The following KLHL22 variants were observed in gnomAD, a reference collection of about 807,000 sequenced individuals.
The protein encoded by KLHL22 is kelch like family member 22.
A neutral mutation model predicts 60.7 loss-of-function variants in KLHL22; 18 were observed. That is an observed-to-expected ratio of 0.30 (90% confidence interval 0.20 to 0.44). The LOEUF is 0.44. Ranked by LOEUF, KLHL22 falls within the 20% of genes least tolerant of loss-of-function variation. The probability of loss-of-function intolerance (pLI) is 1.00; values close to 1 mark genes in which losing one functional copy is unlikely to be tolerated. For synonymous variants in KLHL22, 355 were observed against 354.5 expected (o/e 1.00, Z -0.01); for missense variants, 596 against 852.3 (o/e 0.70, Z 3.74).
Position 20,471,409 on chromosome 22 carries a change from C to A in KLHL22, c.334G>T (p.Glu112Ter). 1 of 1,614,060 alleles carries A rather than the reference C, an allele frequency of 6.2e-7. No individual in the cohort carries two copies. The highest frequency in any genetic ancestry group is 8.5e-7 in the Non-Finnish European group (1 of 1,179,964). ...ACATTGCTCAGGCTGAGCTCCAGCT[C>A]GGAGGTGTATATGAAATGTAGGATT... ...CQILHFIYTS[E>*]LELSLSNVQE... The change falls in exon 3 of 7, where the codon GAG becomes TAG. Residue 112 changes from glutamate (E) to a stop codon, truncating the protein, a stop_gained. Transcript: ENST00000328879. LOFTEE classifies it high-confidence loss of function.
At chr22:20,449,532 C>T (rs913558745) in intron 5 of KLHL22, among the ~76,000 whole-genome samples, 3 of 152,074 alleles carry the variant, frequency 2.0e-5, no homozygotes, top group Non-Finnish European at 4.4e-5. Context: ...TCCCAAGTAG[C>T]TGGGATTACA....
intron 5 of KLHL22, chr22:20,450,383 G>C (rs1398790260): frequency 6.9e-7 from 1 of 1,450,970 alleles, no homozygotes; most frequent in African/African-American, 1.4e-5. Flanking sequence ...AATTTTATTG[G>C]ACTTTGTGTA....
At chr22:20,480,990 C>T (rs1479255746) in intron 2 of KLHL22, among the ~76,000 whole-genome samples, 2 of 151,778 alleles carry the variant, frequency 1.3e-5, no homozygotes, top group Non-Finnish European at 2.9e-5. Context: ...CGCCACCATG[C>T]CCGGCTAATT....
chr22:20,454,778 C>G (rs568080674), intron 5 of KLHL22, among the ~76,000 whole-genome samples: 4 of 152,152 alleles, frequency 2.6e-5, no homozygotes, highest in Non-Finnish European at 5.9e-5. Flanking sequence ...CTCTTCCAAT[C>G]CATGGACTTG....
At chr22:20,457,271 G>A (rs898348921) in intron 5 of KLHL22, among the ~76,000 whole-genome samples, 1 of 151,854 alleles carries the variant, frequency 6.6e-6, no homozygotes, top group Non-Finnish European at 1.5e-5. Context: ...GGATGCACGT[G>A]ATTTTTTTTT....
intron 4 of KLHL22, among the ~76,000 whole-genome samples, chr22:20,463,601 C>T (rs946475619): frequency 2.0e-5 from 3 of 152,236 alleles, no homozygotes; most frequent in Non-Finnish European, 2.9e-5. Context: ...ACTGGGAAAC[C>T]GAGCCCCCTA....
Position 20,465,093 on chromosome 22 carries a change from G to T in KLHL22, c.877C>A (p.Leu293Met). Residue 293 changes from leucine to methionine, a missense_variant, in exon 4 of 7, where the codon CTG (leucine) becomes ATG (methionine). Leu to Met is a conservative substitution (Grantham distance 15, BLOSUM62 2). Coordinates refer to ENST00000328879, the MANE Select transcript of KLHL22 (RefSeq NM_032775.4). The surrounding 1 kb of genome is among the most constrained non-coding windows in gnomAD (Gnocchi z 4.9). Reference sequence around the variant, plus strand: ...ACAACGCACTGGAAGTCCGACCGCAGCTCCGTTTGCGGGCTCTGCAGGCTG... The same window carrying T: ...ACAACGCACTGGAAGTCCGACCGCATCTCCGTTTGCGGGCTCTGCAGGCTG... ...QPSLQSPQTE[L>M]RSDFQCVVGF... is the part of the protein sequence containing the mutation. 6.2e-7 allele frequency: 1 copy of T among 1,613,762 alleles called. No homozygotes were observed. The highest frequency in any genetic ancestry group is 8.5e-7 in the Non-Finnish European group (1 of 1,179,914).
chr22:20,471,304 C>T, intron 3 of KLHL22, 46 bp downstream of exon 3: 1 of 1,581,730 alleles, frequency 6.3e-7, no homozygotes, highest in Non-Finnish European at 8.6e-7. Context: ...TCTCAGGGAA[C>T]CCCACCTGGG....
At chr22:20,454,342 A>C (rs1419322961) in intron 5 of KLHL22, among the ~76,000 whole-genome samples, 1 of 152,262 alleles carries the variant, frequency 6.6e-6, no homozygotes, top group Admixed American at 6.5e-5. Flanking sequence ...AAAAATAAAA[A>C]TAAAAAAATT....
chr22:20,451,430 A>T, intron 5 of KLHL22: 1 of 1,607,212 alleles, frequency 6.2e-7, no homozygotes, highest in Non-Finnish European at 8.5e-7. Flanking sequence ...GACGGCTTGA[A>T]TATCTTAAAT....
intron 5 of KLHL22, chr22:20,450,042 G>T: frequency 1.5e-6 from 1 of 663,028 alleles, no homozygotes; most frequent in Non-Finnish European, 2.8e-6. Context: ...CTGGGGACAG[G>T]CCCTGGCGCG....
In KLHL22 at chr22:20,442,293, T is replaced by C. The variant is rs2052772585; in HGVS notation, c.1685A>G (p.Tyr562Cys). 1.2e-6 allele frequency: 2 copies of C among 1,613,976 alleles called. No individual in the cohort carries two copies. The highest frequency in any genetic ancestry group is 2.7e-5 in the African/African-American group (2 of 75,068). ...RSHNRGSRTG[Y>C]VHIYDVEKDC... ...CTTCTCCACATCGTAAATGTGCACG[T>C]AGCCTGTGCGGCTGCCGCGGTTGTG... Residue 562 changes from tyrosine to cysteine, a missense_variant, in exon 7 of 7, where the codon TAC becomes TGC. Transcript: ENST00000328879.
chr22:20,484,277 G>A (rs928162441), intron 2 of KLHL22, among the ~76,000 whole-genome samples: 3 of 152,104 alleles, frequency 2.0e-5, no homozygotes, highest in African/African-American at 7.2e-5. Flanking sequence ...ACAGGCATGA[G>A]CCACCGTGCC....
At chr22:20,451,506 T>C in intron 5 of KLHL22, 1 of 1,598,784 alleles carries the variant, frequency 6.3e-7, no homozygotes, top group Non-Finnish European at 8.6e-7. Flanking sequence ...CCACCAAGCG[T>C]TCTGGTGCAG....
rs1243283652 is a variant in KLHL22, at chr22:20,465,345, A to G, written c.625T>C (p.Cys209Arg). The G allele has an allele frequency of 6.2e-7, 1 of 1,613,828 alleles. No homozygotes were observed. The highest frequency in any genetic ancestry group is 1.7e-5 in the Admixed American group (1 of 60,020). ...LLSSNRLEVS[C>R]ETEVYEGALL... ...GCCCCCTCATATACCTCGGTCTCGC[A>G]GGAGACCTCCAGGCGATTGCTGCTG... The change falls in exon 4 of 7, where the codon TGC becomes CGC. Residue 209 changes from cysteine (C) to arginine (R), a missense_variant. Coordinates refer to ENST00000328879, the MANE Select transcript of KLHL22 (RefSeq NM_032775.4). The surrounding 1 kb of genome is among the most constrained non-coding windows in gnomAD (Gnocchi z 4.9).
At chr22:20,455,817 G>A (rs1024743739) in intron 5 of KLHL22, among the ~76,000 whole-genome samples, 1 of 152,156 alleles carries the variant, frequency 6.6e-6, no homozygotes, top group Non-Finnish European at 1.5e-5. Context: ...CAGTGCATGC[G>A]CTGCTAGAAG....
chr22:20,493,128 GC>G (rs1331424408), intron 1 of KLHL22: 1 of 470,872 alleles, frequency 2.1e-6, no homozygotes, highest in Admixed American at 2.4e-5. Context: ...TAGACATCAA[GC>G]CCCCAGGTGG....
At chr22:20,445,300 G>A (rs1295997816) in intron 6 of KLHL22, among the ~76,000 whole-genome samples, 1 of 149,654 alleles carries the variant, frequency 6.7e-6, no homozygotes, top group African/African-American at 2.5e-5. Flanking sequence ...TCTGCCTCCC[G>A]GGTTCCAGCG....
chr22:20,478,508 C>CTTTTTTT (rs1196419660), intron 2 of KLHL22, among the ~76,000 whole-genome samples: 30 of 67,682 alleles, frequency 4.4e-4, no homozygotes, highest in East Asian at 1.2e-3. Context: ...AAACTTAATT[C>CTTTTTTT]TTTTTTTTTT....
Sources: gnomAD v4.1 joint callset for allele counts (sites outside exome capture counted in the v4.1 genomes callset) on GRCh38, gnomAD v4.1.1 for gene constraint, Gnocchi (gnomAD v3.1) non-coding constraint, MANE v1.5 for transcripts, NCBI Gene and HGNC (gene_info 2026-07-23, HGNC 2026-07-21) for gene names.